Variants in MAP2 observed in about 807,000 individuals in gnomAD.
MAP2 encodes microtubule-associated protein 2.
Under a neutral mutation model 137.6 loss-of-function variants are expected in MAP2, and 14 were observed. The ratio of observed to expected loss-of-function variants is 0.10; its 90% CI spans 0.07 to 0.16. MAP2 has a LOEUF of 0.16. Among genes scored for constraint, MAP2 ranks in the 10% least tolerant of loss-of-function variants. The pLI, the probability that MAP2 is intolerant of heterozygous loss-of-function variation, is 1.00. For missense variants in MAP2, 2,088 were observed against 2,191.5 expected (o/e 0.95, Z 0.94); for synonymous variants, 786 against 782.3 (o/e 1.00, Z -0.08).
chr2:209,600,155 C>T (rs1167407405), intron 3 of MAP2, among the ~76,000 whole-genome samples: 1 of 152,126 alleles, frequency 6.6e-6, no homozygotes, highest in East Asian at 1.9e-4. Context: ...TCTTTCTACC[C>T]ATTTCACTCT....
intron 1 of MAP2, among the ~76,000 whole-genome samples, chr2:209,435,998 T>TA (rs1559159522): frequency 2.3e-5 from 2 of 88,806 alleles, no homozygotes; most frequent in Non-Finnish European, 4.0e-5. Flanking sequence ...TATTATATAC[T>TA]ATATATACAG....
Position 209,680,827 on chromosome 2 carries a change from G to A in MAP2, c.454G>A (p.Asp152Asn), listed in dbSNP as rs1188031681. 1 of 1,613,246 alleles carries A rather than the reference G, an allele frequency of 6.2e-7. No individual in the cohort carries two copies. The highest frequency in any genetic ancestry group is 8.5e-7 in the Non-Finnish European group (1 of 1,179,334). The change falls in exon 7 of 16, where the codon GAT becomes AAT. Residue 152 changes from aspartate (D) to asparagine (N), a missense_variant and splice_region_variant. Asp to Asn is a conservative substitution (Grantham distance 23, BLOSUM62 1). Transcript: ENST00000682079. ...ASEQTVTVEEDLLTASKMEFH... is the reference protein window; with the variant it reads ...ASEQTVTVEENLLTASKMEFH... The stretch of plus-strand genomic sequence containing the variant: ...AGAACAGACTGTCACAGTGGAGGAA[G>A]GTAAGGCCTATTGGACTTTTCAGGG...
In MAP2 at chr2:209,693,362, G is replaced by C. The variant is rs1482506692; in HGVS notation, c.1192G>C (p.Val398Leu). The change falls in exon 8 of 16, where the codon GTT (valine) becomes CTT (leucine). Residue 398 changes from valine (V) to leucine (L), a missense_variant. This residue lies in a region of MAP2 where 859 missense variants were observed against 794.5 expected (regional missense o/e 1.08). Coordinates refer to ENST00000682079, the MANE Select transcript of MAP2 (RefSeq NM_001375505.1). ...CTTACCCAAAGATGCTCACATTCCA[G>C]TTGTAGAAGAACATGTTATGGGGAA... is the stretch of plus-strand genomic sequence containing the variant. Reference protein sequence around the residue: ...MTLPKDAHIPVVEEHVMGKVL... With the variant: ...MTLPKDAHIPLVEEHVMGKVL... 7.4e-6 allele frequency: 12 copies of C among 1,611,868 alleles called. No homozygotes were observed. Among genetic ancestry groups the C allele is most frequent in the Non-Finnish European group, 1.0e-5 (12 of 1,179,596 alleles).
rs117223619 is a variant in MAP2, at chr2:209,584,293, C to T, written c.-107+4193C>T. On this transcript the variant is annotated intron_variant, in intron 3 of 15. Transcript: ENST00000682079. ...ATAGAAGTATTCAAGGGGGAGACAA[C>T]GTATGGAGGAGCTCCAGAAAGAACA... is the stretch of plus-strand genomic sequence containing the variant. Among the ~76,000 whole-genome samples, 46 of 151,978 alleles carry T rather than the reference C, an allele frequency of 3.0e-4. No homozygotes were observed. In the East Asian group the frequency reaches 7.6e-3, roughly 25 times the overall value.
chr2:209,558,999 C>T (rs956469281), intron 2 of MAP2, among the ~76,000 whole-genome samples: 2 of 152,098 alleles, frequency 1.3e-5, no homozygotes, highest in Middle Eastern at 3.2e-3. Context: ...ACTTCAAGGC[C>T]ATGGGAATAT....
chr2:209,660,549 A>C (rs112114239), intron 5 of MAP2, among the ~76,000 whole-genome samples: 27,798 of 138,816 alleles, frequency 0.2, 3,772 homozygotes, highest in African/African-American at 0.4. Flanking sequence ...CCCGCCACCA[A>C]GCCCGGCTAA....
chr2:209,576,190 A>G (rs1359645183), intron 2 of MAP2, among the ~76,000 whole-genome samples: 2 of 152,180 alleles, frequency 1.3e-5, no homozygotes, highest in African/African-American at 4.8e-5. Context: ...GAGTCATAGT[A>G]TCTCATCAAA....
chr2:209,435,005 A>G (rs1011071958), intron 1 of MAP2, among the ~76,000 whole-genome samples: 1 of 148,822 alleles, frequency 6.7e-6, no homozygotes, highest in Non-Finnish European at 1.5e-5. Flanking sequence ...TCTGAATAGT[A>G]TTCTTGGAAT....
At position 209,703,193 on chromosome 2, in the gene MAP2, A is replaced by G. The variant is rs536334006; in HGVS notation, c.4585-2387A>G. On this transcript the variant is annotated intron_variant, in intron 11 of 15. Coordinates refer to ENST00000682079, the MANE Select transcript of MAP2 (RefSeq NM_001375505.1). Reference sequence around the variant, plus strand: ...TTTGCATAAAAATGTTATTAGTTCTATGGTATAACTTAATCCACAGTATGT... The same window carrying G: ...TTTGCATAAAAATGTTATTAGTTCTGTGGTATAACTTAATCCACAGTATGT... Among the ~76,000 whole-genome samples, 3 of 152,264 alleles carry G rather than the reference A, an allele frequency of 2.0e-5. No individual in the cohort carries two copies. In the East Asian group the frequency reaches 5.8e-4, roughly 29 times the overall value.
intron 11 of MAP2, 56 bp from the exon 12 acceptor site, chr2:209,705,524 T>G: frequency 6.9e-7 from 1 of 1,456,982 alleles, no homozygotes; most frequent in South Asian, 1.5e-5. Context: ...CAATATCACT[T>G]CGTATAAATT....
At chr2:209,553,172 C>T (rs142336100) in intron 2 of MAP2, among the ~76,000 whole-genome samples, 2,987 of 151,904 alleles carry the variant, frequency 0.02, 96 homozygotes, top group African/African-American at 0.068. Flanking sequence ...CCACCACGCC[C>T]GGCTAATTTT....
At chr2:209,468,317 CTTTTTTT>C (rs11450792) in intron 1 of MAP2, among the ~76,000 whole-genome samples, 11 of 88,532 alleles carry the variant, frequency 1.2e-4, no homozygotes, top group African/African-American at 2.3e-4. Flanking sequence ...TTTAGTGTTT[CTTTTTTT>C]TTTTTTTTTT....
intron 1 of MAP2, among the ~76,000 whole-genome samples, chr2:209,451,303 TG>T (rs1700250788): frequency 6.6e-6 from 1 of 152,214 alleles, no homozygotes; most frequent in South Asian, 2.1e-4. Context: ...CCCATCAGGC[TG>T]CTGCTCCTCT....
intron 4 of MAP2, among the ~76,000 whole-genome samples, chr2:209,642,873 G>A (rs919727592): frequency 6.6e-6 from 1 of 152,174 alleles, no homozygotes; most frequent in African/African-American, 2.4e-5. Context: ...CAAAAATATG[G>A]ATTCTGCATA....
chr2:209,660,705 AT>A (rs1270780973), intron 5 of MAP2, among the ~76,000 whole-genome samples: 19 of 54,958 alleles, frequency 3.5e-4, no homozygotes, highest in African/African-American at 1.1e-3. Flanking sequence ...TGCTGCAATT[AT>A]TATTATTATT....
chr2:209,493,275 T>A (rs2059356034), intron 1 of MAP2, among the ~76,000 whole-genome samples: 1 of 152,104 alleles, frequency 6.6e-6, no homozygotes, highest in African/African-American at 2.4e-5. Context: ...ATACAAAAAT[T>A]AATGCAAGAT....
intron 1 of MAP2, among the ~76,000 whole-genome samples, chr2:209,448,926 C>T (rs986347233): frequency 6.6e-6 from 1 of 152,144 alleles, no homozygotes; most frequent in African/African-American, 2.4e-5. Context: ...ATGTGGTAGC[C>T]ACCTGCATAC....
At position 209,569,586 on chromosome 2, in the gene MAP2, T is replaced by G. The variant is rs188634868; in HGVS notation, c.-171-10450T>G. ...TTACAGATTGCAGTATTGAATAGGATGGTCAGGTGAAGCCTGCTTGAGAAG... is the reference window on the plus strand; with the variant it reads ...TTACAGATTGCAGTATTGAATAGGAGGGTCAGGTGAAGCCTGCTTGAGAAG... On this transcript the variant is annotated intron_variant, in intron 2 of 15. Transcript: ENST00000682079. Among the ~76,000 whole-genome samples, 159 of 151,904 alleles carry G rather than the reference T, an allele frequency of 1.0e-3. No homozygotes were observed. In the Middle Eastern group the frequency reaches 0.014, roughly 13 times the overall value.
At position 209,696,978 on chromosome 2, in the gene MAP2, G is replaced by T. The variant is rs201357901; in HGVS notation, c.4449G>T (p.Arg1483Ser). 235 of 1,613,316 alleles carry T rather than the reference G, an allele frequency of 1.5e-4. No individual in the cohort carries two copies. Among genetic ancestry groups the T allele is most frequent in the Non-Finnish European group, 8.5e-6 (10 of 1,179,892 alleles). ...AAGTTCAGGCCCACTCTCCCTCCAG[G>T]AAATTCATTTTAAAACCTGCTATCA... ...KTEVQAHSPS[R>S]KFILKPAIKY... Residue 1483 changes from arginine (R) to serine (S), a missense_variant, in exon 10 of 16, where the codon AGG becomes AGT. By Grantham distance (110) the Arg-to-Ser change is moderately radical. This residue lies in a region of MAP2 where 591 missense variants were observed against 642.6 expected (regional missense o/e 0.92). Transcript: ENST00000682079.
Sources: gnomAD v4.1 joint callset for allele counts (sites outside exome capture counted in the v4.1 genomes callset) on GRCh38, gnomAD v4.1.1 for gene constraint, gnomAD v4.1.1 regional missense constraint, MANE v1.5 for transcripts, NCBI Gene and HGNC (gene_info 2026-07-23, HGNC 2026-07-21) for gene names.